Variants in STK39 observed in about 807,000 individuals in gnomAD.
The protein encoded by STK39 is serine/threonine kinase 39.
In STK39, 20 loss-of-function variants were observed where a neutral mutation model predicts 77.8. That is an observed-to-expected ratio of 0.26 (90% CI 0.18 to 0.37). The LOEUF (loss-of-function observed/expected upper bound fraction) is 0.37. Among genes scored for constraint, STK39 ranks in the 10% least tolerant of loss-of-function variants. The pLI, the probability that STK39 is intolerant of heterozygous loss-of-function variation, is 1.00. For missense variants in STK39, 479 were observed against 656.5 expected, an observed-to-expected ratio of 0.73 and a Z score of 2.95; for synonymous variants, 246 against 234.1, an observed-to-expected ratio of 1.05 and a Z score of -0.47.
At chr2:168,022,670 G>A (rs1033033387) in intron 14 of STK39, among the ~76,000 whole-genome samples, 2 of 152,186 alleles carry the variant, frequency 1.3e-5, no homozygotes, top group South Asian at 2.1e-4. Flanking sequence ...ATTCATTAGT[G>A]AGGGCAAATA....
chr2:168,188,433 C>T (rs535353072), intron 1 of STK39, among the ~76,000 whole-genome samples: 19 of 152,266 alleles, frequency 1.2e-4, no homozygotes, highest in African/African-American at 3.6e-4. Context: ...ATAAGGTTGA[C>T]GATTAATTTT....
At chr2:168,215,359 C>T (rs767620684) in intron 1 of STK39, among the ~76,000 whole-genome samples, 2 of 152,150 alleles carry the variant, frequency 1.3e-5, no homozygotes, top group Middle Eastern at 3.2e-3. Flanking sequence ...TGGTTCTTTG[C>T]TCCAAGATGA....
intron 4 of STK39, 83 bp downstream of exon 4, chr2:168,163,656 G>T: frequency 6.9e-7 from 1 of 1,447,548 alleles, no homozygotes; most frequent in Non-Finnish European, 9.5e-7. Flanking sequence ...GAATCTGACC[G>T]TTTCTGTGTA....
chr2:168,041,335 G>C (rs1020572612), intron 14 of STK39, among the ~76,000 whole-genome samples: 3 of 151,474 alleles, frequency 2.0e-5, no homozygotes, highest in African/African-American at 7.3e-5. Flanking sequence ...GGATACACAA[G>C]GTTTATGGGA....
At chr2:168,075,848 A>G (rs16854657) in intron 10 of STK39, among the ~76,000 whole-genome samples, 3,034 of 152,202 alleles carry the variant, frequency 0.02, 105 homozygotes, top group African/African-American at 0.07. Flanking sequence ...CACTTATGAG[A>G]CCTGTGAGAT....
At chr2:167,981,942 T>C (rs1453546667) in intron 16 of STK39, among the ~76,000 whole-genome samples, 1 of 152,180 alleles carries the variant, frequency 6.6e-6, no homozygotes, top group Non-Finnish European at 1.5e-5. Flanking sequence ...TAACTGTTTC[T>C]AGTTAGGGTG....
intron 10 of STK39, among the ~76,000 whole-genome samples, chr2:168,090,288 T>C (rs942461516): frequency 7.9e-6 from 1 of 126,644 alleles, no homozygotes; most frequent in Non-Finnish European, 1.9e-5. Context: ...AAAGATACAT[T>C]TGTTGAATGA....
At chr2:168,122,530 C>G (rs912956303) in intron 10 of STK39, among the ~76,000 whole-genome samples, 1 of 152,114 alleles carries the variant, frequency 6.6e-6, no homozygotes, top group Non-Finnish European at 1.5e-5. Context: ...ATTTCAACCT[C>G]CTGGGCTCCA....
chr2:168,210,080 A>AGGAAG (rs1439388333), intron 1 of STK39, among the ~76,000 whole-genome samples: 1 of 149,900 alleles, frequency 6.7e-6, no homozygotes, highest in African/African-American at 2.5e-5. Flanking sequence ...GAAGGAAGGA[A>AGGAAG]GAAAGAAACT....
At chr2:168,146,617 A>C (rs1250040492) in intron 5 of STK39, among the ~76,000 whole-genome samples, 1 of 152,194 alleles carries the variant, frequency 6.6e-6, no homozygotes, top group Non-Finnish European at 1.5e-5. Flanking sequence ...ACTGGGTGAG[A>C]TTGTTGAGGG....
At chr2:168,228,838 C>A (rs1559156378) in intron 1 of STK39, among the ~76,000 whole-genome samples, 1 of 152,074 alleles carries the variant, frequency 6.6e-6, no homozygotes, top group Non-Finnish European at 1.5e-5. Context: ...CCTCAGAGAT[C>A]CAGATAACAT....
chr2:167,996,321 G>C (rs1288915623), intron 16 of STK39, among the ~76,000 whole-genome samples: 3 of 152,246 alleles, frequency 2.0e-5, no homozygotes, highest in Non-Finnish European at 1.5e-5. Flanking sequence ...CCTTTATCAA[G>C]ATTTTCTAAA....
At chr2:168,005,393 G>A (rs191581530) in intron 16 of STK39, among the ~76,000 whole-genome samples, 1 of 148,036 alleles carries the variant, frequency 6.8e-6, no homozygotes, top group East Asian at 1.9e-4. Flanking sequence ...AGAAAGGCAA[G>A]GAACGTGGGA....
chr2:167,956,742 C>CT (rs369189557), intron 17 of STK39, among the ~76,000 whole-genome samples: 8 of 124,304 alleles, frequency 6.4e-5, no homozygotes, highest in African/African-American at 2.1e-4. Context: ...CCCCCGCCCC[C>CT]TCAGATCCAC....
intron 1 of STK39, among the ~76,000 whole-genome samples, chr2:168,199,823 A>G (rs1037744113): frequency 4.3e-5 from 5 of 116,662 alleles, no homozygotes; most frequent in Non-Finnish European, 4.8e-5. Flanking sequence ...ATATTTTAAC[A>G]TTTATATCAT....
intron 10 of STK39, among the ~76,000 whole-genome samples, chr2:168,076,019 G>A (rs1417972364): frequency 6.8e-6 from 1 of 148,114 alleles, no homozygotes; most frequent in Admixed American, 6.9e-5. Flanking sequence ...CTTTTAAAAG[G>A]ACAGGATGAC....
At chr2:168,161,200 AGGCCTTTAAGGTTACTCTAG>A (rs1360406508) in intron 5 of STK39, among the ~76,000 whole-genome samples, 3 of 152,172 alleles carry the variant, frequency 2.0e-5, no homozygotes, top group Admixed American at 1.3e-4. Context: ...ATCTTATCCC[AGGCCTTTAAGGTTACTCTAG>A]GGCCAATAAC....
At chr2:168,082,660 A>G (rs1686265778) in intron 10 of STK39, among the ~76,000 whole-genome samples, 1 of 152,200 alleles carries the variant, frequency 6.6e-6, no homozygotes, top group South Asian at 2.1e-4. Flanking sequence ...CCAGCCCAGT[A>G]CACATTCTCA....
chr2:168,018,542 G>GA (rs1395494517), intron 14 of STK39, among the ~76,000 whole-genome samples: 3 of 95,074 alleles, frequency 3.2e-5, no homozygotes, highest in African/African-American at 1.2e-4. Flanking sequence ...AGAAAGAAAA[G>GA]AAAGAAAGAA....
Sources: gnomAD v4.1 joint callset for allele counts (sites outside exome capture counted in the v4.1 genomes callset) on GRCh38, gnomAD v4.1.1 for gene constraint, MANE v1.5 for transcripts, NCBI Gene and HGNC (gene_info 2026-07-23, HGNC 2026-07-21) for gene names.